Variants in GABRA1 observed in about 807,000 individuals in gnomAD.
The protein encoded by GABRA1 is gamma-aminobutyric acid receptor subunit alpha-1.
Under a neutral mutation model 48.9 loss-of-function variants are expected in GABRA1, and 9 were observed. The observed-to-expected ratio is 0.18, with a 90% CI of 0.11 to 0.32. GABRA1 has a LOEUF of 0.32. Ranked by LOEUF, GABRA1 falls within the 10% of genes least tolerant of loss-of-function variation. The pLI, the probability that GABRA1 is intolerant of heterozygous loss-of-function variation, is 1.00. For synonymous variants in GABRA1, 210 were observed against 198.7 expected, an observed-to-expected ratio of 1.06 and a Z score of -0.48; for missense variants, 285 against 553.8, an observed-to-expected ratio of 0.51 and a Z score of 4.87.
chr5:161,892,297 A>G (rs1434189208), intron 8 of GABRA1, among the ~76,000 whole-genome samples: 1 of 152,248 alleles, frequency 6.6e-6, no homozygotes. Context: ...CTTATAGTCT[A>G]AACTGAGGAT....
rs570211185 is a variant in GABRA1 at position 161,853,776 on chromosome 5, C to T, written c.75-382C>T. On this transcript the variant is annotated intron_variant, in intron 2 of 9. Transcript: ENST00000393943. ...CTGCATGTTAAATAAAAAAGAAAAT[C>T]AGTTGTTTTGGTAACTCTTTTTAAT... 1.3e-3 allele frequency: 214 copies of T among 159,928 alleles called. 1 individual carries two copies. The highest frequency in any genetic ancestry group is 4.9e-3 in the African/African-American group (204 of 41,726). 9.9% of individuals were successfully genotyped at this position (159,928 alleles called of 1,614,324 possible).
intron 8 of GABRA1, among the ~76,000 whole-genome samples, chr5:161,893,009 A>G (rs28489349): frequency 1.6e-5 from 2 of 122,430 alleles, no homozygotes; most frequent in African/African-American, 7.1e-5. Context: ...CTTCTCAAAA[A>G]AATAATAATA....
At chr5:161,875,464 T>A in intron 5 of GABRA1, 96 bp from the exon 6 acceptor site, 1 of 968,940 alleles carries the variant, frequency 1.0e-6, no homozygotes, top group Non-Finnish European at 1.7e-6. Flanking sequence ...GCCTTCTTTG[T>A]TAATATATTT....
At chr5:161,860,008 C>T (rs76984572) in intron 3 of GABRA1, among the ~76,000 whole-genome samples, 10,752 of 151,808 alleles carry the variant, frequency 0.071, 433 homozygotes, top group South Asian at 0.12. Context: ...GGAGCAGATG[C>T]TCAGACTTTG....
chr5:161,885,418 T>C lies in GABRA1; in HGVS notation c.703+2717T>C, dbSNP rs1754800942. ...ATGATGGTGAGAGAGAACACACACA[T>C]TGAGAATGACTAGATAAAAGGCATC... On this transcript the variant is annotated intron_variant, in intron 7 of 9. Transcript: ENST00000393943. Among the ~76,000 whole-genome samples, 3 of 152,208 alleles carry C rather than the reference T, an allele frequency of 2.0e-5. No homozygotes were observed. In the Middle Eastern group the frequency reaches 0.01, roughly 518 times the overall value.
Position 161,868,577 on chromosome 5 carries a change from T to C in GABRA1, c.255+2789T>C, listed in dbSNP as rs182136629. 3.9e-3 allele frequency among the ~76,000 whole-genome samples: 594 copies of C among 152,248 alleles called. 5 individuals carry two copies. Among genetic ancestry groups the C allele is most frequent in the African/African-American group, 0.014 (579 of 41,554 alleles). On this transcript the variant is annotated intron_variant, in intron 4 of 9. Transcript: ENST00000393943. ...TGCAACATTCAAAAACATCACACAC[T>C]GATGGCAATACTCATCTTACTACTT... is the stretch of plus-strand genomic sequence containing the variant.
At chr5:161,876,246 T>C (rs1020006236) in intron 6 of GABRA1, among the ~76,000 whole-genome samples, 1 of 152,028 alleles carries the variant, frequency 6.6e-6, no homozygotes, top group Non-Finnish European at 1.5e-5. Flanking sequence ...CATAATAACT[T>C]CCTGGGTTTC....
intron 1 of GABRA1, chr5:161,850,523 T>A (rs1379283820): frequency 9.3e-6 from 5 of 535,100 alleles, no homozygotes; most frequent in South Asian, 6.0e-5. Context: ...AACTCACAGT[T>A]TTTATGTTGA....
At chr5:161,895,955 T>C (rs1755347545) in intron 9 of GABRA1, 87 bp downstream of exon 9, 1 of 1,078,664 alleles carries the variant, frequency 9.3e-7, no homozygotes, top group Non-Finnish European at 1.4e-6. Context: ...TGGTATTGGA[T>C]GGAGTATGCA....
intron 8 of GABRA1, among the ~76,000 whole-genome samples, chr5:161,895,373 G>A (rs1755314454): frequency 6.6e-6 from 1 of 152,052 alleles, no homozygotes; most frequent in Non-Finnish European, 1.5e-5. Flanking sequence ...TTTTACCCAG[G>A]ACACCCATGT....
chr5:161,884,989 C>T (rs1191615680), intron 7 of GABRA1, among the ~76,000 whole-genome samples: 2 of 152,164 alleles, frequency 1.3e-5, no homozygotes, highest in South Asian at 4.1e-4. Context: ...GAATGAGAGA[C>T]AGTGGCCCAA....
At chr5:161,895,205 A>T (rs550314913) in intron 8 of GABRA1, among the ~76,000 whole-genome samples, 2 of 152,248 alleles carry the variant, frequency 1.3e-5, no homozygotes, top group South Asian at 4.1e-4. Flanking sequence ...ATTATCTATA[A>T]ATTATCAAAA....
intron 1 of GABRA1, among the ~76,000 whole-genome samples, chr5:161,849,196 T>A (rs1437104177): frequency 1.3e-5 from 2 of 152,196 alleles, no homozygotes; most frequent in Non-Finnish European, 1.5e-5. Context: ...TTTAAAAATG[T>A]CAGAAGAGGG....
intron 6 of GABRA1, among the ~76,000 whole-genome samples, chr5:161,876,886 A>T (rs1041373403): frequency 3.3e-5 from 5 of 152,186 alleles, no homozygotes; most frequent in African/African-American, 1.2e-4. Context: ...AGTTAGGAAG[A>T]TCATACGCCG....
In GABRA1 at chr5:161,895,650, T is replaced by C. The variant is rs754674490; in HGVS notation, c.857-16T>C. On this transcript the variant is annotated splice_polypyrimidine_tract_variant and intron_variant, in intron 8 of 9. Coordinates refer to ENST00000393943, the MANE Select transcript of GABRA1 (RefSeq NM_001127644.2). ...GTATGAACTGGCATCATGTATGTTT[T>C]TTTTTTTCTTTACAGGAGTAACAAC... 3 of 1,610,604 alleles carry C rather than the reference T, an allele frequency of 1.9e-6. No individual in the cohort carries two copies. Among genetic ancestry groups the C allele is most frequent in the Non-Finnish European group, 2.5e-6 (3 of 1,177,456 alleles).
At chr5:161,894,788 T>G (rs1231786039) in intron 8 of GABRA1, among the ~76,000 whole-genome samples, 1 of 152,144 alleles carries the variant, frequency 6.6e-6, no homozygotes, top group Non-Finnish European at 1.5e-5. Context: ...ATCTTTCTCA[T>G]ACTAACATAT....
intron 2 of GABRA1, among the ~76,000 whole-genome samples, chr5:161,851,874 T>A (rs1412394104): frequency 6.6e-6 from 1 of 152,122 alleles, no homozygotes; most frequent in African/African-American, 2.4e-5. Context: ...TTATATGAAG[T>A]GTTACTATTG....
chr5:161,897,214 C>T lies in GABRA1; in HGVS notation c.1163C>T (p.Thr388Ile). The T allele has an allele frequency of 6.2e-7, 1 of 1,614,122 alleles. No homozygotes were observed. Among genetic ancestry groups the T allele is most frequent in the Non-Finnish European group, 8.5e-7 (1 of 1,180,006 alleles). The change falls in exon 10 of 10, where the codon ACC becomes ATC. Residue 388 changes from threonine (T) to isoleucine (I), a missense_variant. Thr to Ile is a moderately conservative substitution (Grantham distance 89). Transcript: ENST00000393943. ...GCCAGGGGCGACCCGGGCTTAGCCA[C>T]CATTGCTAAAAGTGCAACCATAGAA... is the stretch of plus-strand genomic sequence containing the variant. ...NLARGDPGLA[T>I]IAKSATIEPK... is the part of the protein sequence containing the mutation.
intron 7 of GABRA1, among the ~76,000 whole-genome samples, chr5:161,886,967 A>G (rs1754876519): frequency 6.6e-6 from 1 of 152,084 alleles, no homozygotes; most frequent in Admixed American, 6.6e-5. Flanking sequence ...AAATTACTAC[A>G]GTGACTTAAG....
Sources: allele counts gnomAD v4.1 joint callset (sites outside exome capture counted in the v4.1 genomes callset), GRCh38; gene constraint gnomAD v4.1.1; transcripts MANE v1.5; gene names NCBI Gene and HGNC (gene_info 2026-07-23, HGNC 2026-07-21).